The following LRRC56 variants were observed in gnomAD, a reference collection of about 807,000 sequenced individuals.
LRRC56 encodes leucine-rich repeat-containing protein 56.
In LRRC56, 41 loss-of-function variants were observed where a neutral mutation model predicts 47.8. The observed-to-expected ratio is 0.86, with a 90% confidence interval of 0.67 to 1.11. The LOEUF is 1.11. Ranked by LOEUF, LRRC56 falls within the 50% of genes most tolerant of loss-of-function variation. The probability of loss-of-function intolerance (pLI) is 0.00; values close to 1 mark genes in which losing one functional copy is unlikely to be tolerated. For synonymous variants in LRRC56, 387 were observed against 311.2 expected (o/e 1.24, Z -2.56); for missense variants, 759 against 704.2 (o/e 1.08, Z -0.88).
chr11:521,275 T>G, the LRRC56 span, among the ~76,000 whole-genome samples: 1 of 152,174 alleles, frequency 6.6e-6, no homozygotes, highest in Non-Finnish European at 1.5e-5. Context: ...AGCTGGCATT[T>G]CACCAAGTAC....
Position 551,150 on chromosome 11 carries a change from A to G in LRRC56, c.644A>G (p.Tyr215Cys). The G allele has an allele frequency of 1.3e-6, 2 of 1,511,912 alleles. No individual in the cohort carries two copies. Among genetic ancestry groups the G allele is most frequent in the Non-Finnish European group, 1.8e-6 (2 of 1,122,858 alleles). The allele number at this position is 1,511,912 out of a possible 1,614,324, so 93.7% of individuals were successfully genotyped here. ...CTGCAGGTGCCCAGGGGCTACAACT[A>G]CAGGGCAGAGGTGAGGAAGCTCATT... The part of the protein sequence containing the change: ...PTNKVPRGYN[Y>C]RAEVRKLIPQ... The change falls in exon 9 of 14, where the codon TAC becomes TGC. Residue 215 changes from tyrosine (Y) to cysteine (C), a missense_variant. By Grantham distance (194) the Tyr-to-Cys change is radical (BLOSUM62 -2). Coordinates refer to ENST00000270115, the MANE Select transcript of LRRC56 (RefSeq NM_198075.4).
At chr11:525,368 T>C in the LRRC56 span, among the ~76,000 whole-genome samples, 1 of 151,740 alleles carries the variant, frequency 6.6e-6, no homozygotes, top group Non-Finnish European at 1.5e-5. Flanking sequence ...TGAAGCCCCA[T>C]CTCTACTAAA....
the LRRC56 span, among the ~76,000 whole-genome samples, chr11:525,463 C>T: frequency 5.3e-5 from 8 of 151,616 alleles, no homozygotes; most frequent in South Asian, 4.2e-4. Flanking sequence ...GGCGTGAACC[C>T]AGTAGGCGGA....
At chr11:511,565 G>A in the LRRC56 span, among the ~76,000 whole-genome samples, 1 of 152,242 alleles carries the variant, frequency 6.6e-6, no homozygotes, top group African/African-American at 2.4e-5. Context: ...AGAGCAGGTT[G>A]AGGGGAAAAC....
chr11:536,119 C>G (rs1851481957), upstream of LRRC56, among the ~76,000 whole-genome samples: 1 of 152,358 alleles, frequency 6.6e-6, no homozygotes. Context: ...CCCCAGCTCC[C>G]CTACTCCCAC....
the LRRC56 span, among the ~76,000 whole-genome samples, chr11:518,880 C>A: frequency 4.7e-5 from 7 of 147,928 alleles, no homozygotes; most frequent in African/African-American, 1.5e-4. Flanking sequence ...CGCCCTCTGC[C>A]GGCCGCTCTG....
rs756923987 is a variant in LRRC56 at position 544,802 on chromosome 11, G to A, written c.326+22G>A. The A allele has an allele frequency of 1.1e-5, 17 of 1,608,496 alleles. No homozygotes were observed. The African/African-American group carries it at 1.1e-4, about 10-fold the overall frequency. ...TGAGGTGAGCGCCTGAGGGGGGTGG[G>A]CTGGGGCCCTGCCATGAGGGGGTCC... is the stretch of plus-strand genomic sequence containing the variant. On this transcript the variant is annotated intron_variant, in intron 6 of 13. Transcript: ENST00000270115.
the LRRC56 span, among the ~76,000 whole-genome samples, chr11:509,380 A>T: frequency 8.4e-3 from 1,276 of 152,274 alleles, 23 homozygotes; most frequent in African/African-American, 0.029. Context: ...GGCAATTCTC[A>T]TAAGAGTGAA....
the LRRC56 span, chr11:506,787 ACG>A: frequency 6.6e-6 from 1 of 152,322 alleles, no homozygotes; most frequent in Non-Finnish European, 1.5e-5. Flanking sequence ...AGAGGGCTTG[ACG>A]GCCACGTGAG....
chr11:541,905 C>T lies in LRRC56; in HGVS notation c.265+281C>T, dbSNP rs868652499. 1.0e-2 allele frequency among the ~76,000 whole-genome samples: 1,012 copies of T among 101,558 alleles called. 23 individuals are homozygous for T. Among genetic ancestry groups the T allele is most frequent in the African/African-American group, 0.039 (891 of 22,916 alleles). The allele number at this position is 101,558 out of a possible 152,430, so 66.6% of individuals were successfully genotyped here. A position where few individuals can be genotyped will look rare whatever the true frequency, so the allele number is the denominator to read the frequency against. ...AGTACCCCACACACCCACGCCAGTACCCCCGGCACGCTCAGTACCCCACAC... is the reference window on the plus strand; with the variant it reads ...AGTACCCCACACACCCACGCCAGTATCCCCGGCACGCTCAGTACCCCACAC... On this transcript the variant is annotated intron_variant, in intron 5 of 13. Transcript: ENST00000270115. This position sits in a 1 kb window ranked among gnomAD's most constrained non-coding sequence, Gnocchi z 4.1.
At chr11:531,220 G>T in the LRRC56 span, among the ~76,000 whole-genome samples, 2 of 152,012 alleles carry the variant, frequency 1.3e-5, no homozygotes, top group African/African-American at 4.8e-5. Flanking sequence ...GTATTCCCTG[G>T]ACAAAAGGGG....
At chr11:539,925 A>C (rs1018345252) in intron 3 of LRRC56, among the ~76,000 whole-genome samples, 199 bp downstream of exon 3, 2 of 152,080 alleles carry the variant, frequency 1.3e-5, no homozygotes, top group African/African-American at 4.8e-5. Context: ...ACCCAGAGGT[A>C]CCCCAGCATC....
At chr11:535,331 C>T (rs1232008872), upstream of LRRC56, 1 of 146,624 alleles carries the variant, frequency 6.8e-6, no homozygotes, top group Admixed American at 6.8e-5. Flanking sequence ...CCGCCGGCCC[C>T]GCGCCCCCGG....
chr11:511,986 C>G, the LRRC56 span, among the ~76,000 whole-genome samples: 1 of 152,134 alleles, frequency 6.6e-6, no homozygotes, highest in Non-Finnish European at 1.5e-5. Flanking sequence ...CTTTGTCACC[C>G]AGTCAGGAGT....
chr11:549,350 CTG>C (rs1230695892), intron 6 of LRRC56, among the ~76,000 whole-genome samples: 1 of 152,106 alleles, frequency 6.6e-6, no homozygotes, highest in Non-Finnish European at 1.5e-5. Flanking sequence ...GGTGAAGTCA[CTG>C]TGGCTACAGT....
At chr11:535,030 C>T (rs970379373), upstream of LRRC56, among the ~76,000 whole-genome samples, 2 of 152,146 alleles carry the variant, frequency 1.3e-5, no homozygotes, top group Admixed American at 6.5e-5. Flanking sequence ...CTGAGGCCCC[C>T]GGCCTGGTCC....
upstream of LRRC56, chr11:532,550 A>AC: frequency 6.4e-7 from 1 of 1,551,594 alleles, no homozygotes; most frequent in Non-Finnish European, 8.7e-7. Flanking sequence ...GAGGCTGCTG[A>AC]CCGCAGGCCA....
At chr11:527,600 T>C in the LRRC56 span, among the ~76,000 whole-genome samples, 2 of 151,880 alleles carry the variant, frequency 1.3e-5, no homozygotes, top group Non-Finnish European at 2.9e-5. Context: ...GGCGCTATCT[T>C]GGCTCACTGC....
In LRRC56 at chr11:551,980, G is replaced by A; in HGVS notation, c.1038+13G>A. 6.2e-7 allele frequency: 1 copy of A among 1,612,528 alleles called. No homozygotes were observed. The highest frequency in any genetic ancestry group is 2.2e-5 in the East Asian group (1 of 44,880). ...GCACCAGTGCCAGGTACAGCCCACA[G>A]GGACCAGCCCCCCACGAGAACCAGT... On this transcript the variant is annotated intron_variant, in intron 11 of 13. Transcript: ENST00000270115.
Sources: gnomAD v4.1 joint callset for allele counts (sites outside exome capture counted in the v4.1 genomes callset) on GRCh38, gnomAD v4.1.1 for gene constraint, Gnocchi (gnomAD v3.1) non-coding constraint, MANE v1.5 for transcripts, NCBI Gene and HGNC (gene_info 2026-07-23, HGNC 2026-07-21) for gene names.